The following BTBD7 variants were observed in gnomAD, a reference collection of about 807,000 sequenced individuals.
BTBD7 encodes BTB/POZ domain-containing protein 7.
BTBD7 carries 38 observed loss-of-function variants against 99.9 expected under a neutral mutation model. The observed-to-expected ratio is 0.38, with a 90% CI of 0.29 to 0.50. The LOEUF (loss-of-function observed/expected upper bound fraction) is 0.50, where lower values mean the gene tolerates loss of function less well. Ranked by LOEUF, BTBD7 falls within the 20% of genes least tolerant of loss-of-function variation. The probability of loss-of-function intolerance (pLI) is 0.93; values close to 1 mark genes in which losing one functional copy is unlikely to be tolerated. For synonymous variants in BTBD7, 520 were observed against 511.4 expected (o/e 1.02, Z -0.23); for missense variants, 1,170 against 1,394.6 (o/e 0.84, Z 2.57).
At chr14:93,284,929 G>C (rs901192447) in intron 3 of BTBD7, among the ~76,000 whole-genome samples, 1 of 151,710 alleles carries the variant, frequency 6.6e-6, no homozygotes, top group South Asian at 2.1e-4. Flanking sequence ...AACAAAAGAT[G>C]CAATATTATA....
chr14:93,316,459 G>A (rs1357419995), intron 1 of BTBD7, among the ~76,000 whole-genome samples: 1 of 151,864 alleles, frequency 6.6e-6, no homozygotes, highest in Non-Finnish European at 1.5e-5. Context: ...GTGTTATAAA[G>A]GTTGGTCTTG....
At chr14:93,315,747 CTCTT>C (rs1240920249) in intron 1 of BTBD7, among the ~76,000 whole-genome samples, 1 of 152,020 alleles carries the variant, frequency 6.6e-6, no homozygotes. Context: ...TACTTTATTC[CTCTT>C]TATTTGCTGT....
chr14:93,324,352 G>A (rs1894428104), intron 1 of BTBD7, among the ~76,000 whole-genome samples: 1 of 151,290 alleles, frequency 6.6e-6, no homozygotes, highest in Admixed American at 6.6e-5. Context: ...AACCCAAGAG[G>A]TCAAGGTTGG....
At chr14:93,277,151 C>G (rs2052665427) in intron 3 of BTBD7, among the ~76,000 whole-genome samples, 1 of 152,186 alleles carries the variant, frequency 6.6e-6, no homozygotes, top group Non-Finnish European at 1.5e-5. Context: ...ATCCGCCCAC[C>G]TTGGCCTCCC....
Position 93,299,831 on chromosome 14 carries a change from A to C in BTBD7, c.-106-3674T>G, listed in dbSNP as rs558189476. Among the ~76,000 whole-genome samples, 166 of 152,318 alleles carry C rather than the reference A, an allele frequency of 1.1e-3. 4 individuals are homozygous for C. The South Asian group carries it at 0.033, about 30-fold the overall frequency. On this transcript the variant is annotated intron_variant, in intron 1 of 10. Transcript: ENST00000334746. ...CCAAAGAGCTTTCCCAAAGTTTAGA[A>C]AATGTAGGATTAAACAAAGCCAAAT...
chr14:93,319,345 A>C lies in BTBD7; in HGVS notation c.-107+13475T>G, dbSNP rs186771292. Among the ~76,000 whole-genome samples, 11 of 152,370 alleles carry C rather than the reference A, an allele frequency of 7.2e-5. No individual in the cohort carries two copies. In the East Asian group the frequency reaches 2.1e-3, roughly 29 times the overall value. On this transcript the variant is annotated intron_variant, in intron 1 of 10. Transcript: ENST00000334746. ...ACCAGCTTAACAATTAATAGATATC[A>C]CAACAGCCAAGATGTGGAAACAACC...
At chr14:93,321,164 T>A (rs2053264913) in intron 1 of BTBD7, among the ~76,000 whole-genome samples, 1 of 152,228 alleles carries the variant, frequency 6.6e-6, no homozygotes, top group South Asian at 2.1e-4. Context: ...TGAAAGGTAC[T>A]GAGAAGAATT....
chr14:93,328,611 TAAAAAAAAAAA>T (rs57161505), intron 1 of BTBD7, among the ~76,000 whole-genome samples: 2 of 101,872 alleles, frequency 2.0e-5, no homozygotes, highest in East Asian at 2.9e-4. Flanking sequence ...TAAAATTCTT[TAAAAAAAAAAA>T]AAAAAAAAAA....
intron 1 of BTBD7, among the ~76,000 whole-genome samples, chr14:93,306,534 A>T (rs1174238328): frequency 6.6e-6 from 1 of 152,108 alleles, no homozygotes; most frequent in Non-Finnish European, 1.5e-5. Flanking sequence ...ACTATTAATA[A>T]TATCTAATTT....
At chr14:93,319,033 A>G (rs8011183) in intron 1 of BTBD7, among the ~76,000 whole-genome samples, 11,963 of 152,262 alleles carry the variant, frequency 0.079, 1,009 homozygotes, top group African/African-American at 0.21. Flanking sequence ...CCTGGGCAAC[A>G]GGCTGTTACA....
intron 9 of BTBD7, 89 bp from the exon 10 acceptor site, chr14:93,246,375 C>T (rs2139677286): frequency 7.7e-7 from 1 of 1,301,206 alleles, no homozygotes; most frequent in Admixed American, 3.0e-5. Context: ...AAGTGAGGTA[C>T]TTAAGAAAAC....
At chr14:93,304,763 C>A (rs1183464783) in intron 1 of BTBD7, among the ~76,000 whole-genome samples, 2 of 152,186 alleles carry the variant, frequency 1.3e-5, no homozygotes, top group African/African-American at 4.8e-5. Context: ...AAATTCCATT[C>A]AAAGCCAAAA....
chr14:93,246,194 T>C lies in BTBD7; in HGVS notation c.2214A>G (p.Thr738=). ...CTGTAAACATGGTTTCTGCAGGAGG[T>C]GTACTGTTTACGCGACATCTCCCAG... is the stretch of plus-strand genomic sequence containing the variant. ...RQPGRCRVNS[T]PPAETMFTDL... The change falls in exon 10 of 11, where the codon ACA becomes ACG. Residue 738 remains threonine (T), a synonymous_variant. Transcript: ENST00000334746. The C allele has an allele frequency of 6.2e-7, 1 of 1,612,048 alleles. No homozygotes were observed. The highest frequency in any genetic ancestry group is 8.5e-7 in the Non-Finnish European group (1 of 1,179,198).
chr14:93,256,215 C>T (rs1298964021), intron 6 of BTBD7: 1 of 152,124 alleles, frequency 6.6e-6, no homozygotes, highest in African/African-American at 2.4e-5. Flanking sequence ...GTTAATCTAG[C>T]ACCACATTGA....
intron 1 of BTBD7, among the ~76,000 whole-genome samples, chr14:93,327,483 C>T (rs1467575161): frequency 6.6e-6 from 1 of 152,180 alleles, no homozygotes; most frequent in Non-Finnish European, 1.5e-5. Context: ...ACATCAACTT[C>T]ATGATAATAT....
In BTBD7 at chr14:93,302,413, G is replaced by C. The variant is rs527926905; in HGVS notation, c.-106-6256C>G. On this transcript the variant is annotated intron_variant, in intron 1 of 10. Transcript: ENST00000334746. ...ATGTATTATTCAAACCAAGAAGCTT[G>C]AGAGTGAAAAGGGGTACATATCAGA... is the stretch of plus-strand genomic sequence containing the variant. Among the ~76,000 whole-genome samples, 3 of 152,296 alleles carry C rather than the reference G, an allele frequency of 2.0e-5. No homozygotes were observed. The South Asian group carries it at 6.2e-4, about 32-fold the overall frequency.
chr14:93,321,267 A>G (rs2053265973), intron 1 of BTBD7, among the ~76,000 whole-genome samples: 1 of 152,198 alleles, frequency 6.6e-6, no homozygotes, highest in Non-Finnish European at 1.5e-5. Context: ...GGGATATAAC[A>G]ATGAACAAGA....
At chr14:93,319,266 C>T (rs1187715258) in intron 1 of BTBD7, among the ~76,000 whole-genome samples, 2 of 152,190 alleles carry the variant, frequency 1.3e-5, no homozygotes, top group Non-Finnish European at 2.9e-5. Context: ...TGCTCTGGTC[C>T]TTGCAGGATG....
intron 1 of BTBD7, among the ~76,000 whole-genome samples, chr14:93,311,729 C>T (rs985175436): frequency 6.7e-6 from 1 of 148,956 alleles, no homozygotes; most frequent in Non-Finnish European, 1.5e-5. Context: ...CAATATGATC[C>T]ATGAAAATAT....
Sources: allele counts gnomAD v4.1 joint callset (sites outside exome capture counted in the v4.1 genomes callset), GRCh38; gene constraint gnomAD v4.1.1; transcripts MANE v1.5; gene names NCBI Gene and HGNC (gene_info 2026-07-23, HGNC 2026-07-21).